The following ARID4B variants were observed in gnomAD, a reference collection of about 807,000 sequenced individuals.
ARID4B encodes the protein AT-rich interaction domain 4B.
A neutral mutation model predicts 147.5 loss-of-function variants in ARID4B; 26 were observed. The observed-to-expected ratio is 0.18, with a 90% CI of 0.13 to 0.24. The LOEUF is 0.24. Ranked by LOEUF, ARID4B falls within the 10% of genes least tolerant of loss-of-function variation. The pLI, the probability that ARID4B is intolerant of heterozygous loss-of-function variation, is 1.00. For synonymous variants in ARID4B, 512 were observed against 507.9 expected (o/e 1.01, Z -0.11); for missense variants, 1,179 against 1,511.5 (o/e 0.78, Z 3.65).
chr1:235,246,185 A>G (rs370490238), intron 7 of ARID4B, among the ~76,000 whole-genome samples: 6 of 152,332 alleles, frequency 3.9e-5, no homozygotes, highest in African/African-American at 1.4e-4. Context: ...TTTTGACTAC[A>G]GCATCAAGAT....
chr1:235,200,054 C>G (rs1665783866), intron 17 of ARID4B, among the ~76,000 whole-genome samples: 1 of 150,672 alleles, frequency 6.6e-6, no homozygotes, highest in African/African-American at 2.4e-5. Context: ...CACGGTGGCT[C>G]ACACCTGTAA....
chr1:235,172,818 CA>C, intron 22 of ARID4B, 54 bp from the exon 23 acceptor site: 1 of 1,371,114 alleles, frequency 7.3e-7, no homozygotes, highest in Admixed American at 3.0e-5. Flanking sequence ...TTTTAACATA[CA>C]AAAAGGAGAG....
rs117683439 is a variant in ARID4B, at chr1:235,207,724, A to G, written c.1841+6045T>C. On this transcript the variant is annotated intron_variant, in intron 17 of 23. Transcript: ENST00000264183. ...TTATGTTTGGAAAATAAAGGAATAA[A>G]GTGTGATAAAAAGCAACTGAATGAT... Among the ~76,000 whole-genome samples the G allele has an allele frequency of 5.0e-3, 759 of 152,296 alleles. 30 individuals are homozygous for G. The East Asian group carries it at 0.11, about 22-fold the overall frequency.
intron 2 of ARID4B, among the ~76,000 whole-genome samples, chr1:235,305,911 G>C (rs1673509731): frequency 6.6e-6 from 1 of 152,208 alleles, no homozygotes; most frequent in Admixed American, 6.5e-5. Context: ...AGTCAGCCAT[G>C]ATCACGCTAC....
At chr1:235,326,733 T>TC in intron 2 of ARID4B, 181 bp downstream of exon 2, 1 of 699,308 alleles carries the variant, frequency 1.4e-6, no homozygotes, top group South Asian at 1.7e-5. Context: ...TATAACTGCC[T>TC]CCAACTCCAC....
At chr1:235,297,021 T>C (rs1672789518) in intron 2 of ARID4B, among the ~76,000 whole-genome samples, 1 of 152,080 alleles carries the variant, frequency 6.6e-6, no homozygotes, top group African/African-American at 2.4e-5. Flanking sequence ...TATATATATT[T>C]GATGTCATTA....
intron 2 of ARID4B, among the ~76,000 whole-genome samples, chr1:235,291,567 G>A (rs1672339909): frequency 6.6e-6 from 1 of 151,988 alleles, no homozygotes; most frequent in South Asian, 2.1e-4. Flanking sequence ...AGGCGTGGTG[G>A]CTCATACCTG....
intron 2 of ARID4B, among the ~76,000 whole-genome samples, chr1:235,313,893 A>T (rs1466966746): frequency 6.6e-6 from 1 of 152,206 alleles, no homozygotes; most frequent in African/African-American, 2.4e-5. Context: ...AGAATAACAG[A>T]TTTAAGGCTT....
chr1:235,301,958 G>A (rs528241121), intron 2 of ARID4B, among the ~76,000 whole-genome samples: 63 of 151,464 alleles, frequency 4.2e-4, no homozygotes, highest in Non-Finnish European at 7.5e-4. Context: ...CTCCCAAAGT[G>A]CTAGGATTAC....
intron 2 of ARID4B, among the ~76,000 whole-genome samples, chr1:235,261,677 C>A (rs187473988): frequency 5.6e-4 from 86 of 152,262 alleles, no homozygotes; most frequent in Non-Finnish European, 1.0e-3. Context: ...GAGGGATTCG[C>A]TGGATATTTA....
intron 23 of ARID4B, among the ~76,000 whole-genome samples, chr1:235,171,937 C>T (rs571074039): frequency 9.9e-5 from 15 of 152,224 alleles, no homozygotes; most frequent in Admixed American, 3.3e-4. Context: ...CCACTGTGCC[C>T]GGCCTCCTCC....
intron 2 of ARID4B, among the ~76,000 whole-genome samples, chr1:235,274,317 G>A (rs1572131512): frequency 6.6e-6 from 1 of 152,242 alleles, no homozygotes; most frequent in Non-Finnish European, 1.5e-5. Flanking sequence ...GGAGGTTGCA[G>A]TGAGCTGAGA....
intron 1 of ARID4B, 165 bp downstream of exon 1, chr1:235,327,604 C>T (rs1389886859): frequency 6.6e-6 from 1 of 152,280 alleles, no homozygotes; most frequent in Non-Finnish European, 1.5e-5. Flanking sequence ...GGGGGCGGCT[C>T]GGACACAGCG....
chr1:235,223,048 C>A, intron 13 of ARID4B, 118 bp downstream of exon 13: 2 of 666,526 alleles, frequency 3.0e-6, no homozygotes, highest in Non-Finnish European at 5.0e-6. Context: ...TTATCTTCTT[C>A]TTAGGTTTTT....
intron 2 of ARID4B, among the ~76,000 whole-genome samples, chr1:235,307,734 T>C (rs1205462375): frequency 6.6e-6 from 1 of 152,240 alleles, no homozygotes. Context: ...GCAAAATTAC[T>C]TGTGGCAATA....
Position 235,221,547 on chromosome 1 carries a change from T to C in ARID4B, c.1163+18A>G. On this transcript the variant is annotated intron_variant, in intron 14 of 23. Transcript: ENST00000264183. Reference sequence around the variant, plus strand: ...GGTAAAAATACTGAAGATAATCATATCAATTATACTAACTTACTTTTTATA... The same window carrying C: ...GGTAAAAATACTGAAGATAATCATACCAATTATACTAACTTACTTTTTATA... 7.3e-7 allele frequency: 1 copy of C among 1,371,294 alleles called. No homozygotes were observed. The highest frequency in any genetic ancestry group is 1.0e-6 in the Non-Finnish European group (1 of 973,704). The allele number at this position is 1,371,294 out of a possible 1,614,324, so 84.9% of individuals were successfully genotyped here.
At chr1:235,275,598 T>TA (rs1484713929) in intron 2 of ARID4B, among the ~76,000 whole-genome samples, 1 of 152,202 alleles carries the variant, frequency 6.6e-6, no homozygotes, top group Non-Finnish European at 1.5e-5. Flanking sequence ...TCTGTACCCT[T>TA]ATAATAGATT....
chr1:235,275,364 CAGCCTATGGT>C (rs1280826675), intron 2 of ARID4B, among the ~76,000 whole-genome samples: 1 of 152,172 alleles, frequency 6.6e-6, no homozygotes, highest in East Asian at 1.9e-4. Context: ...GGATGTGATG[CAGCCTATGGT>C]AGCCATTTTC....
chr1:235,300,619 C>A, intron 2 of ARID4B, among the ~76,000 whole-genome samples: 1 of 152,096 alleles, frequency 6.6e-6, no homozygotes, highest in East Asian at 1.9e-4. Flanking sequence ...CAATAAACTT[C>A]ATCATTTTTA....
Sources: gnomAD v4.1 joint callset for allele counts (sites outside exome capture counted in the v4.1 genomes callset) on GRCh38, gnomAD v4.1.1 for gene constraint, MANE v1.5 for transcripts, NCBI Gene and HGNC (gene_info 2026-07-23, HGNC 2026-07-21) for gene names.